The following PLEKHA5 variants were observed in gnomAD, a reference collection of about 807,000 sequenced individuals.
PLEKHA5 encodes the protein pleckstrin homology domain-containing family A member 5.
In PLEKHA5, 55 loss-of-function variants were observed where a neutral mutation model predicts 181.9. That is an observed-to-expected ratio of 0.30 (90% CI 0.24 to 0.38). The LOEUF (loss-of-function observed/expected upper bound fraction) is 0.38. Among genes scored for constraint, PLEKHA5 ranks in the 10% least tolerant of loss-of-function variants. The probability of loss-of-function intolerance (pLI) is 1.00; values close to 1 mark genes in which losing one functional copy is unlikely to be tolerated. For synonymous variants in PLEKHA5, 535 were observed against 529.4 expected (o/e 1.01, Z -0.15); for missense variants, 1,432 against 1,549.5 (o/e 0.92, Z 1.27).
intron 3 of PLEKHA5, among the ~76,000 whole-genome samples, chr12:19,134,019 C>T (rs1231796297): frequency 6.6e-6 from 1 of 151,994 alleles, no homozygotes; most frequent in Admixed American, 6.5e-5. Flanking sequence ...AAGCCTAGCT[C>T]ATCTTATAAA....
chr12:19,209,745 C>T (rs371491281), intron 3 of PLEKHA5, among the ~76,000 whole-genome samples: 1 of 152,182 alleles, frequency 6.6e-6, no homozygotes, highest in Admixed American at 6.5e-5. Flanking sequence ...CTGGCCAAGA[C>T]CAAAGATCAC....
Position 19,274,608 on chromosome 12 carries a change from A to G in PLEKHA5, c.938A>G (p.Asn313Ser), listed in dbSNP as rs1263662117. 1.9e-6 allele frequency: 3 copies of G among 1,613,652 alleles called. No individual in the cohort carries two copies. Among genetic ancestry groups the G allele is most frequent in the East Asian group, 2.2e-5 (1 of 44,888 alleles). Residue 313 changes from asparagine (N) to serine (S), a missense_variant, in exon 11 of 32, where the codon AAT becomes AGT. Around this residue, in one of 2 missense-constraint regions of PLEKHA5, gnomAD observed 1,143 missense variants for 1,168.4 expected, o/e 0.98. Transcript: ENST00000429027. Reference sequence around the variant, plus strand: ...CTAATTAAACCAGAGATCCAAAACAATCAAAAAAACAAGGAAATGAGCAAA... The same window carrying G: ...CTAATTAAACCAGAGATCCAAAACAGTCAAAAAAACAAGGAAATGAGCAAA... ...RVLIKPEIQN[N>S]QKNKEMSKIE... is the part of the protein sequence containing the mutation.
chr12:19,136,543 T>C (rs2035717452), intron 3 of PLEKHA5, among the ~76,000 whole-genome samples: 1 of 152,166 alleles, frequency 6.6e-6, no homozygotes, highest in Non-Finnish European at 1.5e-5. Flanking sequence ...AATGATTCTG[T>C]AATGACAGGC....
intron 8 of PLEKHA5, among the ~76,000 whole-genome samples, chr12:19,269,378 C>T (rs2071754884): frequency 1.7e-5 from 2 of 116,634 alleles, no homozygotes; most frequent in Non-Finnish European, 1.7e-5. Flanking sequence ...CAGAGTGAGA[C>T]TCTGTCTCAA....
intron 15 of PLEKHA5, among the ~76,000 whole-genome samples, chr12:19,295,080 T>C (rs2079414675): frequency 6.6e-6 from 1 of 152,228 alleles, no homozygotes; most frequent in African/African-American, 2.4e-5. Context: ...TTTGTCATTT[T>C]TGTGAATTTT....
chr12:19,250,040 C>G (rs554270945), intron 3 of PLEKHA5, among the ~76,000 whole-genome samples: 20 of 152,168 alleles, frequency 1.3e-4, no homozygotes, highest in Non-Finnish European at 2.9e-4. Context: ...CCTCTACCCA[C>G]TAGACACCAG....
At chr12:19,362,167 CAAAAAAAAAAAAAAA>C (rs33984774) in intron 29 of PLEKHA5, among the ~76,000 whole-genome samples, 1 of 61,614 alleles carries the variant, frequency 1.6e-5, no homozygotes, top group East Asian at 4.9e-4. Context: ...GACTCTGTCT[CAAAAAAAAAAAAAAA>C]AAAAAAAAAG....
At chr12:19,144,368 C>T (rs1201330207) in intron 3 of PLEKHA5, among the ~76,000 whole-genome samples, 2 of 152,284 alleles carry the variant, frequency 1.3e-5, no homozygotes, top group East Asian at 3.9e-4. Flanking sequence ...CAAACACCAG[C>T]GTCTCTCCTC....
chr12:19,297,502 G>A (rs2080164966), intron 15 of PLEKHA5, among the ~76,000 whole-genome samples: 1 of 150,668 alleles, frequency 6.6e-6, no homozygotes. Flanking sequence ...GGCGCCTGTA[G>A]TCCCAGCTAC....
chr12:19,304,304 C>T (rs2082502391), intron 15 of PLEKHA5, among the ~76,000 whole-genome samples: 1 of 152,174 alleles, frequency 6.6e-6, no homozygotes. Flanking sequence ...ACTCACGAGG[C>T]TGAGGCAAGA....
chr12:19,304,374 C>T (rs1428284518), intron 15 of PLEKHA5, among the ~76,000 whole-genome samples: 2 of 152,188 alleles, frequency 1.3e-5, no homozygotes, highest in African/African-American at 2.4e-5. Context: ...CATTGCACAT[C>T]AGCTTTTAAA....
chr12:19,200,264 A>G, intron 3 of PLEKHA5: 1 of 1,187,182 alleles, frequency 8.4e-7, no homozygotes, highest in Non-Finnish European at 1.2e-6. Context: ...TATAGATATT[A>G]TGTACCAATA....
chr12:19,232,607 A>G (rs1006543460), intron 3 of PLEKHA5, among the ~76,000 whole-genome samples: 4 of 152,140 alleles, frequency 2.6e-5, no homozygotes, highest in Admixed American at 2.6e-4. Context: ...CTCTCTGAGG[A>G]GGAAGATTCT....
rs572037318 is a variant in PLEKHA5 at position 19,281,873 on chromosome 12, C to A, written c.1314-1407C>A. ...CTTGTCTCGCTGCAAGCTCGGCTTCCTGGGGTCACGCCATTCTCCTGCCTC... is the reference window on the plus strand; with the variant it reads ...CTTGTCTCGCTGCAAGCTCGGCTTCATGGGGTCACGCCATTCTCCTGCCTC... On this transcript the variant is annotated intron_variant, in intron 11 of 31. Coordinates refer to ENST00000429027, the MANE Select transcript of PLEKHA5 (RefSeq NM_001256470.2). Among the ~76,000 whole-genome samples the A allele has an allele frequency of 1.3e-4, 20 of 152,158 alleles. No individual in the cohort carries two copies. The East Asian group carries it at 3.3e-3, about 25-fold the overall frequency.
intron 3 of PLEKHA5, among the ~76,000 whole-genome samples, chr12:19,170,541 T>C (rs2045652425): frequency 6.6e-6 from 1 of 151,720 alleles, no homozygotes; most frequent in African/African-American, 2.4e-5. Flanking sequence ...TACTCCTGCC[T>C]CCGGAGTAGC....
At chr12:19,200,392 C>G (rs2053935700) in intron 3 of PLEKHA5, 1 of 1,523,760 alleles carries the variant, frequency 6.6e-7, no homozygotes, top group Admixed American at 2.0e-5. Flanking sequence ...TATCTGTATG[C>G]AGGCCTATGA....
chr12:19,179,724 T>C (rs898541446), intron 3 of PLEKHA5, among the ~76,000 whole-genome samples: 2 of 152,166 alleles, frequency 1.3e-5, no homozygotes, highest in Non-Finnish European at 2.9e-5. Flanking sequence ...CGTAAATTTT[T>C]CCCTGGTATA....
intron 3 of PLEKHA5, among the ~76,000 whole-genome samples, chr12:19,166,319 T>G (rs961823552): frequency 6.6e-6 from 1 of 152,230 alleles, no homozygotes; most frequent in African/African-American, 2.4e-5. Context: ...CATACTGTAG[T>G]TATTTAAACG....
intron 26 of PLEKHA5, among the ~76,000 whole-genome samples, chr12:19,354,847 C>G (rs976617043): frequency 6.6e-6 from 1 of 152,144 alleles, no homozygotes; most frequent in Admixed American, 6.6e-5. Context: ...ATTTAAGTTT[C>G]TTTTGATCAG....
Sources: gnomAD v4.1 joint callset for allele counts (sites outside exome capture counted in the v4.1 genomes callset) on GRCh38, gnomAD v4.1.1 for gene constraint, gnomAD v4.1.1 regional missense constraint, MANE v1.5 for transcripts, NCBI Gene and HGNC (gene_info 2026-07-23, HGNC 2026-07-21) for gene names.